C2orf76: variants seen among roughly 807,000 people sequenced by gnomAD.
C2orf76 encodes the protein UPF0538 protein C2orf76.
Under a neutral mutation model 16.9 loss-of-function variants are expected in C2orf76, and 23 were observed. The observed-to-expected ratio is 1.36, with a 90% CI of 0.98 to 1.93. The LOEUF is 1.93. C2orf76 is among the 30% of genes most tolerant of loss of function. The pLI is 0.00. For synonymous variants in C2orf76, 48 were observed against 52.3 expected, an observed-to-expected ratio of 0.92 and a Z score of 0.35; for missense variants, 152 against 152.6, an observed-to-expected ratio of 1.00 and a Z score of 0.02.
chr2:119,341,260 T>G (rs1351587060), intron 1 of C2orf76, among the ~76,000 whole-genome samples: 1 of 152,150 alleles, frequency 6.6e-6, no homozygotes, highest in Non-Finnish European at 1.5e-5. Context: ...CCTCCTGCCT[T>G]GGCCTCCGGA....
chr2:119,326,368 T>C (rs912351778), intron 2 of C2orf76, among the ~76,000 whole-genome samples: 75 of 152,318 alleles, frequency 4.9e-4, no homozygotes, highest in African/African-American at 1.8e-3. Flanking sequence ...AAAATCAATT[T>C]AACACATCTG....
intron 2 of C2orf76, chr2:119,338,957 T>C (rs762868297): frequency 1.3e-5 from 2 of 152,194 alleles, no homozygotes; most frequent in African/African-American, 4.8e-5. Context: ...GAAGTCAATA[T>C]GGCAGATCAG....
intron 4 of C2orf76, among the ~76,000 whole-genome samples, chr2:119,317,055 A>G (rs770753599): frequency 2.0e-5 from 3 of 152,204 alleles, no homozygotes; most frequent in Non-Finnish European, 4.4e-5. Context: ...AGCAAGAATC[A>G]AATTAGAACA....
intron 1 of C2orf76, among the ~76,000 whole-genome samples, chr2:119,343,658 C>A (rs971124942): frequency 1.3e-5 from 2 of 152,132 alleles, no homozygotes; most frequent in Non-Finnish European, 1.5e-5. Flanking sequence ...GTTAGCCGGG[C>A]GTGGTGGCAC....
intron 4 of C2orf76, among the ~76,000 whole-genome samples, chr2:119,312,099 C>T (rs955137736): frequency 6.6e-6 from 1 of 152,128 alleles, no homozygotes; most frequent in African/African-American, 2.4e-5. Context: ...TCAGCAGTGC[C>T]GGCCGCAGGG....
intron 5 of C2orf76, among the ~76,000 whole-genome samples, chr2:119,308,139 T>A (rs1678857503): frequency 6.6e-6 from 1 of 152,178 alleles, no homozygotes; most frequent in Non-Finnish European, 1.5e-5. Context: ...TTAAAAAAAA[T>A]TCGTCCTTTA....
At chr2:119,330,172 G>T (rs940277341) in intron 2 of C2orf76, among the ~76,000 whole-genome samples, 1 of 152,028 alleles carries the variant, frequency 6.6e-6, no homozygotes, top group Non-Finnish European at 1.5e-5. Flanking sequence ...TCAGGATTTC[G>T]AGACCAGCCT....
At chr2:119,345,420 G>A (rs1680166446) in intron 1 of C2orf76, among the ~76,000 whole-genome samples, 1 of 152,158 alleles carries the variant, frequency 6.6e-6, no homozygotes, top group Non-Finnish European at 1.5e-5. Context: ...AAATGAAACA[G>A]CCTATCTGGA....
chr2:119,318,503 A>G (rs755234592), intron 3 of C2orf76, among the ~76,000 whole-genome samples: 1 of 152,086 alleles, frequency 6.6e-6, no homozygotes, highest in Non-Finnish European at 1.5e-5. Flanking sequence ...CCATTATTTT[A>G]AATAGTCAAC....
chr2:119,321,655 A>G (rs2104567047), intron 2 of C2orf76, among the ~76,000 whole-genome samples: 1 of 152,280 alleles, frequency 6.6e-6, no homozygotes, highest in South Asian at 2.1e-4. Context: ...GGATTATGGG[A>G]GCTACAATGC....
chr2:119,296,050 T>C, the C2orf76 span, among the ~76,000 whole-genome samples: 1 of 152,352 alleles, frequency 6.6e-6, no homozygotes, highest in Non-Finnish European at 1.5e-5. Flanking sequence ...GAAAGTGGTC[T>C]CAGGTCTGAT....
intron 5 of C2orf76, among the ~76,000 whole-genome samples, chr2:119,306,742 A>G (rs1678799660): frequency 6.6e-6 from 1 of 151,502 alleles, no homozygotes; most frequent in South Asian, 2.1e-4. Flanking sequence ...GCTTCTACTG[A>G]TCAAATCTTT....
At chr2:119,305,512 T>C (rs1239627242) in intron 5 of C2orf76, among the ~76,000 whole-genome samples, 3 of 152,192 alleles carry the variant, frequency 2.0e-5, no homozygotes, top group Admixed American at 6.5e-5. Flanking sequence ...ACCAACGTAG[T>C]ATGAGGCACA....
intron 1 of C2orf76, among the ~76,000 whole-genome samples, chr2:119,364,465 A>C (rs759701228): frequency 1.3e-5 from 2 of 152,174 alleles, no homozygotes; most frequent in African/African-American, 4.8e-5. Flanking sequence ...AGTTCTAACA[A>C]ATTTAGATGG....
intron 4 of C2orf76, among the ~76,000 whole-genome samples, chr2:119,312,622 A>G (rs1449692897): frequency 6.6e-6 from 1 of 152,184 alleles, no homozygotes; most frequent in Admixed American, 6.5e-5. Flanking sequence ...ATCTGGTTCC[A>G]TGTCACATTA....
chr2:119,345,079 A>T (rs1456537279), intron 1 of C2orf76, among the ~76,000 whole-genome samples: 1 of 152,200 alleles, frequency 6.6e-6, no homozygotes, highest in Non-Finnish European at 1.5e-5. Context: ...ATAGGTACAT[A>T]TTTTTATAAT....
chr2:119,304,079 A>T, intron 5 of C2orf76, among the ~76,000 whole-genome samples: 1 of 152,238 alleles, frequency 6.6e-6, no homozygotes, highest in East Asian at 1.9e-4. Flanking sequence ...CAAAAACTTC[A>T]ATATTCAAAG....
intron 2 of C2orf76, among the ~76,000 whole-genome samples, chr2:119,331,433 C>T (rs1470649877): frequency 6.6e-6 from 1 of 152,222 alleles, no homozygotes; most frequent in Non-Finnish European, 1.5e-5. Context: ...CTTTCCCAGG[C>T]TTCCAGTGGT....
At chr2:119,326,129 T>G (rs1431605458) in intron 2 of C2orf76, among the ~76,000 whole-genome samples, 1 of 152,270 alleles carries the variant, frequency 6.6e-6, no homozygotes, top group Non-Finnish European at 1.5e-5. Context: ...ATGCTTATTG[T>G]GCTGTATTTA....
Sources: gnomAD v4.1 joint callset for allele counts (sites outside exome capture counted in the v4.1 genomes callset) on GRCh38, gnomAD v4.1.1 for gene constraint, MANE v1.5 for transcripts, NCBI Gene and HGNC (gene_info 2026-07-23, HGNC 2026-07-21) for gene names.